Variants in LCLAT1 observed in about 807,000 individuals in gnomAD.
LCLAT1 encodes 1-AGP acyltransferase 8.
In LCLAT1, 11 loss-of-function variants were observed where a neutral mutation model predicts 30.7. That is an observed-to-expected ratio of 0.36 (90% CI 0.23 to 0.59). The LOEUF (loss-of-function observed/expected upper bound fraction) is 0.59. LCLAT1 is among the 20% of genes least tolerant of loss of function. The pLI is 0.77. For synonymous variants in LCLAT1, 155 were observed against 151.3 expected (o/e 1.02, Z -0.18); for missense variants, 402 against 458.6 (o/e 0.88, Z 1.13).
intron 1 of LCLAT1, among the ~76,000 whole-genome samples, chr2:30,506,458 T>C (rs746308898): frequency 1.3e-5 from 2 of 152,128 alleles, no homozygotes; most frequent in Non-Finnish European, 2.9e-5. Flanking sequence ...AACATTCTAT[T>C]TATTTTTAAT....
intron 5 of LCLAT1, among the ~76,000 whole-genome samples, chr2:30,628,217 AC>A (rs1429121860): frequency 1.3e-5 from 2 of 152,222 alleles, no homozygotes; most frequent in Admixed American, 1.3e-4. Flanking sequence ...TTTTTAAAAA[AC>A]ATCACAGAAG....
At chr2:30,460,623 C>T in intron 1 of LCLAT1, among the ~76,000 whole-genome samples, 1 of 152,070 alleles carries the variant, frequency 6.6e-6, no homozygotes, top group African/African-American at 2.4e-5. Flanking sequence ...TTGGGATTTC[C>T]TTATAGATGT....
intron 1 of LCLAT1, among the ~76,000 whole-genome samples, chr2:30,489,004 C>T (rs1403626508): frequency 3.3e-5 from 5 of 152,052 alleles, no homozygotes; most frequent in Admixed American, 6.5e-5. Context: ...ACTTTTTGGC[C>T]CAGGATCAGT....
At chr2:30,537,387 C>CA (rs565063139) in intron 3 of LCLAT1, among the ~76,000 whole-genome samples, 18,094 of 89,288 alleles carry the variant, frequency 0.2, 1,277 homozygotes, top group South Asian at 0.31. Flanking sequence ...GACTCCGTCT[C>CA]AAAAAAAAAA....
At chr2:30,448,975 T>C (rs1318728909) in intron 1 of LCLAT1, among the ~76,000 whole-genome samples, 1 of 152,226 alleles carries the variant, frequency 6.6e-6, no homozygotes, top group Non-Finnish European at 1.5e-5. Flanking sequence ...TGAAATTTAT[T>C]CCTCTGCATT....
intron 1 of LCLAT1, among the ~76,000 whole-genome samples, chr2:30,487,223 G>T (rs1031293398): frequency 1.3e-5 from 2 of 152,184 alleles, no homozygotes; most frequent in African/African-American, 4.8e-5. Context: ...ACTCAGTAAA[G>T]ACTTGAAAGA....
At chr2:30,458,259 G>A (rs1681932481) in intron 1 of LCLAT1, among the ~76,000 whole-genome samples, 1 of 152,220 alleles carries the variant, frequency 6.6e-6, no homozygotes, top group Non-Finnish European at 1.5e-5. Context: ...ATTCAATTCA[G>A]TAAACAGTGG....
chr2:30,623,415 A>G lies in LCLAT1; in HGVS notation c.629-16702A>G, dbSNP rs977571734. On this transcript the variant is annotated intron_variant, in intron 5 of 5. Transcript: ENST00000379509. Reference sequence around the variant, plus strand: ...AAAACCGTCCACAGAAATAGATAGCATAGATAAAAAACAACTTCTGGAAAT... The same window carrying G: ...AAAACCGTCCACAGAAATAGATAGCGTAGATAAAAAACAACTTCTGGAAAT... Among the ~76,000 whole-genome samples, 6 of 152,294 alleles carry G rather than the reference A, an allele frequency of 3.9e-5. 1 individual carries two copies. The highest frequency in any genetic ancestry group is 2.4e-5 in the African/African-American group (1 of 41,566).
At chr2:30,581,331 G>A (rs1666205501) in intron 5 of LCLAT1, among the ~76,000 whole-genome samples, 1 of 152,072 alleles carries the variant, frequency 6.6e-6, no homozygotes, top group Non-Finnish European at 1.5e-5. Context: ...ATCATTTCTT[G>A]ATCTCTTCAG....
At chr2:30,531,483 A>G (rs566001637) in intron 2 of LCLAT1, among the ~76,000 whole-genome samples, 40 of 152,276 alleles carry the variant, frequency 2.6e-4, no homozygotes, top group African/African-American at 8.7e-4. Flanking sequence ...ACACATTGAC[A>G]TATCTTTATA....
chr2:30,628,047 T>TA (rs940905134), intron 5 of LCLAT1, among the ~76,000 whole-genome samples: 1 of 152,040 alleles, frequency 6.6e-6, no homozygotes, highest in African/African-American at 2.4e-5. Flanking sequence ...TCAATTACAA[T>TA]AAAAAAAATT....
chr2:30,523,588 G>A lies in LCLAT1; in HGVS notation c.-4-1999G>A, dbSNP rs562545330. On this transcript the variant is annotated intron_variant, in intron 1 of 5. Transcript: ENST00000379509. The stretch of plus-strand genomic sequence containing the variant: ...TATCAGTAGAAATTTAAAAATAGTC[G>A]GCTGGGCACAGTGGCTTACGCCTGT... Among the ~76,000 whole-genome samples the A allele has an allele frequency of 4.6e-5, 7 of 152,280 alleles. No individual in the cohort carries two copies. The South Asian group carries it at 6.2e-4, about 14-fold the overall frequency.
chr2:30,496,419 C>A (rs985591322), intron 1 of LCLAT1, among the ~76,000 whole-genome samples: 1 of 152,106 alleles, frequency 6.6e-6, no homozygotes, highest in African/African-American at 2.4e-5. Flanking sequence ...AGTTTCTGGG[C>A]GTCTTTCTTC....
chr2:30,471,221 A>G (rs993057440), intron 1 of LCLAT1, among the ~76,000 whole-genome samples: 6 of 115,352 alleles, frequency 5.2e-5, no homozygotes, highest in Non-Finnish European at 1.1e-4. Flanking sequence ...CTATTTATTT[A>G]TTTTCTAAGA....
chr2:30,614,593 A>T (rs2148509185), intron 5 of LCLAT1, among the ~76,000 whole-genome samples: 1 of 152,274 alleles, frequency 6.6e-6, no homozygotes, highest in African/African-American at 2.4e-5. Context: ...GTTTTGGGGG[A>T]AAGGCCAAAA....
At chr2:30,462,734 G>T (rs1305607712) in intron 1 of LCLAT1, among the ~76,000 whole-genome samples, 1 of 152,118 alleles carries the variant, frequency 6.6e-6, no homozygotes, top group African/African-American at 2.4e-5. Context: ...GATAAGGTTG[G>T]GTGATTATGT....
At chr2:30,523,135 G>GA (rs901424742) in intron 1 of LCLAT1, among the ~76,000 whole-genome samples, 21 of 139,100 alleles carry the variant, frequency 1.5e-4, no homozygotes, top group East Asian at 4.2e-4. Flanking sequence ...CTAATTGGCA[G>GA]AAAAAAAAAC....
rs1027406652 is a variant in LCLAT1 at position 30,642,043 on chromosome 2, T to C, written c.*1424T>C. The C allele has an allele frequency of 6.6e-6, 1 of 152,186 alleles. No individual in the cohort carries two copies. Among genetic ancestry groups the C allele is most frequent in the Non-Finnish European group, 1.5e-5 (1 of 68,044 alleles). The allele number at this position is 152,186 out of a possible 1,614,324, so 9.4% of individuals were successfully genotyped here. A position where few individuals can be genotyped will look rare whatever the true frequency, so the allele number is the denominator to read the frequency against. On this transcript the variant is annotated 3_prime_UTR_variant, in exon 6 of 6. Coordinates refer to ENST00000379509, the MANE Select transcript of LCLAT1 (RefSeq NM_001002257.3). ...CCAGCCTCAGAAGCTACTTACTGCT[T>C]TATGTACTCTTTGGGCATTAATGCC...
chr2:30,490,941 G>T (rs74373487), intron 1 of LCLAT1, among the ~76,000 whole-genome samples: 4,830 of 152,198 alleles, frequency 0.032, 109 homozygotes, highest in East Asian at 0.064. Flanking sequence ...AAAAATAAAT[G>T]TACAGTATCT....
Sources: allele counts gnomAD v4.1 joint callset (sites outside exome capture counted in the v4.1 genomes callset), GRCh38; gene constraint gnomAD v4.1.1; transcripts MANE v1.5; gene names NCBI Gene and HGNC (gene_info 2026-07-23, HGNC 2026-07-21).